Variants in ASCC3 observed in about 807,000 individuals in gnomAD.
ASCC3 encodes the protein activating signal cointegrator 1 complex subunit 3.
In ASCC3, 158 loss-of-function variants were observed where a neutral mutation model predicts 256.3. The observed-to-expected ratio is 0.62, with a 90% CI of 0.54 to 0.70. ASCC3 has a LOEUF of 0.70. Among genes scored for constraint, ASCC3 ranks in the 30% least tolerant of loss-of-function variants. The pLI is 0.00. For missense variants in ASCC3, 2,259 were observed against 2,626.0 expected (o/e 0.86, Z 3.05); for synonymous variants, 948 against 883.4 (o/e 1.07, Z -1.30).
intron 34 of ASCC3, among the ~76,000 whole-genome samples, chr6:100,592,776 T>C (rs958175145): frequency 6.6e-5 from 10 of 152,108 alleles, no homozygotes; most frequent in African/African-American, 9.6e-5. Context: ...TGAAAAAGCA[T>C]GCAACAGCTA....
chr6:100,559,849 CA>C (rs35881747), intron 36 of ASCC3, among the ~76,000 whole-genome samples: 237 of 116,752 alleles, frequency 2.0e-3, no homozygotes, highest in Admixed American at 3.6e-3. Context: ...GACTCCATCT[CA>C]AAAAAAAAAA....
chr6:100,516,923 C>T (rs1562087081), intron 38 of ASCC3, among the ~76,000 whole-genome samples: 1 of 152,100 alleles, frequency 6.6e-6, no homozygotes, highest in East Asian at 1.9e-4. Flanking sequence ...CATAGCAGAC[C>T]TGTGTGCTAC....
At chr6:100,548,861 G>A (rs980369812) in intron 36 of ASCC3, among the ~76,000 whole-genome samples, 7 of 151,820 alleles carry the variant, frequency 4.6e-5, no homozygotes, top group South Asian at 2.1e-4. Context: ...ATGAAACTCC[G>A]GATAGTAACA....
intron 38 of ASCC3, 51 bp downstream of exon 38, chr6:100,517,939 TA>T (rs1305348331): frequency 6.3e-7 from 1 of 1,580,226 alleles, no homozygotes; most frequent in African/African-American, 1.4e-5. Flanking sequence ...ATATAAAAAA[TA>T]TTTTTTTGAA....
At position 100,771,209 on chromosome 6, in the gene ASCC3, A is replaced by G. The variant is rs1484810378; in HGVS notation, c.1396-3864T>C. On this transcript the variant is annotated intron_variant, in intron 8 of 41. Coordinates refer to ENST00000369162, the MANE Select transcript of ASCC3 (RefSeq NM_006828.4). ...GTCAGCATTTTCAATAAATGATGCT[A>G]GAACAAATGGATATACACGTTAAAA... Among the ~76,000 whole-genome samples, 8 of 152,172 alleles carry G rather than the reference A, an allele frequency of 5.3e-5. No individual in the cohort carries two copies. In the East Asian group the frequency reaches 1.3e-3, roughly 26 times the overall value.
At position 100,605,622 on chromosome 6, in the gene ASCC3, A is replaced by G; in HGVS notation, c.5123T>C (p.Ile1708Thr). The change falls in exon 33 of 42, where the codon ATA (isoleucine) becomes ACA (threonine). Residue 1708 changes from isoleucine to threonine, a missense_variant. Physicochemically the swap from Ile to Thr is moderately conservative, Grantham distance 89 (BLOSUM62 -1). Coordinates refer to ENST00000369162, the MANE Select transcript of ASCC3 (RefSeq NM_006828.4). Reference protein sequence around the residue: ...QGKAVILVHDIKKDFYKKFLY... With the variant: ...QGKAVILVHDTKKDFYKKFLY... The stretch of plus-strand genomic sequence containing the variant: ...AAATTTTTTATAAAAGTCTTTCTTT[A>G]TGTCATGAACTAGAATTACAGCTTT... 6.3e-7 allele frequency: 1 copy of G among 1,595,076 alleles called. No individual in the cohort carries two copies. Among genetic ancestry groups the G allele is most frequent in the Non-Finnish European group, 8.6e-7 (1 of 1,162,956 alleles).
At chr6:100,519,466 C>A (rs151310957) in intron 37 of ASCC3, among the ~76,000 whole-genome samples, 1 of 152,020 alleles carries the variant, frequency 6.6e-6, no homozygotes, top group East Asian at 1.9e-4. Context: ...TTTCTCTGTA[C>A]AGCAGGATAA....
intron 13 of ASCC3, among the ~76,000 whole-genome samples, chr6:100,685,303 C>A (rs982167538): frequency 6.6e-6 from 1 of 152,110 alleles, no homozygotes; most frequent in African/African-American, 2.4e-5. Context: ...CATGTCCTGG[C>A]AGTTTATGTT....
At position 100,627,958 on chromosome 6, in the gene ASCC3, T is replaced by C; in HGVS notation, c.4405A>G (p.Ile1469Val). 6.2e-7 allele frequency: 1 copy of C among 1,613,554 alleles called. No individual in the cohort carries two copies. The highest frequency in any genetic ancestry group is 8.5e-7 in the Non-Finnish European group (1 of 1,179,770). The stretch of plus-strand genomic sequence containing the variant: ...GAGATAAAATTTGTTCGAGATACAA[T>C]GACCTCTAGAACAGGGCCTCTTTCC... ...GEERGPVLEV[I>V]VSRTNFISSH... is the part of the protein sequence containing the mutation. The change falls in exon 28 of 42, where the codon ATT becomes GTT. Residue 1469 changes from isoleucine (I) to valine (V), a missense_variant. Physicochemically the swap from Ile to Val is conservative, Grantham distance 29 (BLOSUM62 3). Transcript: ENST00000369162.
At chr6:100,693,859 T>C (rs996823869) in intron 13 of ASCC3, among the ~76,000 whole-genome samples, 1 of 152,148 alleles carries the variant, frequency 6.6e-6, no homozygotes, top group African/African-American at 2.4e-5. Context: ...CAGCTCAATA[T>C]ATTAAAAATA....
At chr6:100,816,573 A>C (rs538083991) in intron 4 of ASCC3, among the ~76,000 whole-genome samples, 1 of 152,214 alleles carries the variant, frequency 6.6e-6, no homozygotes, top group East Asian at 1.9e-4. Flanking sequence ...AATACTATGC[A>C]GCCATAAAAA....
At chr6:100,564,976 A>G (rs1354746353) in intron 36 of ASCC3, among the ~76,000 whole-genome samples, 4 of 152,192 alleles carry the variant, frequency 2.6e-5, no homozygotes, top group African/African-American at 7.2e-5. Flanking sequence ...TTGAAAAACT[A>G]TATTTTATAA....
intron 4 of ASCC3, among the ~76,000 whole-genome samples, chr6:100,823,929 T>A (rs1334121802): frequency 5.3e-5 from 8 of 152,124 alleles, no homozygotes; most frequent in Non-Finnish European, 1.5e-5. Context: ...CAATATCAAA[T>A]GAATCACAGA....
chr6:100,536,593 C>T (rs1220105994), intron 37 of ASCC3, among the ~76,000 whole-genome samples: 4 of 152,090 alleles, frequency 2.6e-5, no homozygotes, highest in Non-Finnish European at 5.9e-5. Flanking sequence ...GCAATTCTCT[C>T]ACCTTGGCAC....
At chr6:100,662,686 A>ACT in intron 14 of ASCC3, 150 bp from the exon 15 acceptor site, 1 of 663,520 alleles carries the variant, frequency 1.5e-6, no homozygotes, top group Non-Finnish European at 2.5e-6. Flanking sequence ...TGCTTTATAT[A>ACT]AAATCATAAA....
At chr6:100,834,627 T>A (rs1276117921) in intron 4 of ASCC3, among the ~76,000 whole-genome samples, 1 of 152,096 alleles carries the variant, frequency 6.6e-6, no homozygotes. Context: ...GAGACAGATA[T>A]AAGAAAGAGG....
At chr6:100,865,532 G>T (rs188894937) in intron 2 of ASCC3, among the ~76,000 whole-genome samples, 211 of 152,086 alleles carry the variant, frequency 1.4e-3, no homozygotes, top group African/African-American at 4.9e-3. Flanking sequence ...TGAAAAGAAG[G>T]TTAACTGTTT....
At chr6:100,799,725 A>G (rs1460956089) in intron 6 of ASCC3, among the ~76,000 whole-genome samples, 153 bp from the exon 7 acceptor site, 1 of 152,064 alleles carries the variant, frequency 6.6e-6, no homozygotes, top group African/African-American at 2.4e-5. Context: ...GAATCCTGAA[A>G]TTTTCTGAGT....
chr6:100,733,674 C>T (rs1168312999), intron 10 of ASCC3, among the ~76,000 whole-genome samples: 1 of 152,160 alleles, frequency 6.6e-6, no homozygotes, highest in African/African-American at 2.4e-5. Context: ...ACAATACTTT[C>T]AGAATAAATG....
Sources: gnomAD v4.1 joint callset for allele counts (sites outside exome capture counted in the v4.1 genomes callset) on GRCh38, gnomAD v4.1.1 for gene constraint, MANE v1.5 for transcripts, NCBI Gene and HGNC (gene_info 2026-07-23, HGNC 2026-07-21) for gene names.